The following VWC2L variants were observed in gnomAD, a reference collection of about 807,000 sequenced individuals.
VWC2L encodes the protein von Willebrand factor C domain containing 2 like, also known as von Willebrand factor C domain-containing protein 2-like.
In VWC2L, 10 loss-of-function variants were observed where a neutral mutation model predicts 21.6. The ratio of observed to expected loss-of-function variants is 0.46; its 90% CI spans 0.29 to 0.78. The LOEUF is 0.78. VWC2L is among the 30% of genes least tolerant of loss of function. VWC2L has a pLI of 0.10. For synonymous variants in VWC2L, 96 were observed against 94.3 expected (o/e 1.02, Z -0.10); for missense variants, 209 against 277.1 (o/e 0.75, Z 1.74).
intron 3 of VWC2L, among the ~76,000 whole-genome samples, chr2:214,473,032 T>A (rs1380899754): frequency 6.6e-6 from 1 of 152,226 alleles, no homozygotes. Flanking sequence ...CAGAAATGTC[T>A]GTTTAGAATT....
At chr2:214,424,134 A>G (rs1460539056) in intron 2 of VWC2L, among the ~76,000 whole-genome samples, 1 of 152,094 alleles carries the variant, frequency 6.6e-6, no homozygotes, top group African/African-American at 2.4e-5. Context: ...ATTTAAATCT[A>G]TGTTATTCTA....
At chr2:214,502,368 A>G (rs571048211) in intron 3 of VWC2L, among the ~76,000 whole-genome samples, 3 of 152,226 alleles carry the variant, frequency 2.0e-5, no homozygotes, top group African/African-American at 7.2e-5. Context: ...TCAGGAGTTC[A>G]AGACCAGCCT....
At chr2:214,464,983 T>TAGTC (rs998954930) in intron 3 of VWC2L, among the ~76,000 whole-genome samples, 2 of 152,162 alleles carry the variant, frequency 1.3e-5, no homozygotes, top group African/African-American at 4.8e-5. Flanking sequence ...AAGGGCTTTT[T>TAGTC]AGTCAGCGTG....
chr2:214,470,955 G>A (rs554807744), intron 3 of VWC2L, among the ~76,000 whole-genome samples: 147 of 141,862 alleles, frequency 1.0e-3, no homozygotes, highest in African/African-American at 3.2e-3. Context: ...ATAGGTGATC[G>A]CGTAATGGGC....
chr2:214,420,640 T>TA (rs1702424890), intron 2 of VWC2L, among the ~76,000 whole-genome samples: 1 of 152,146 alleles, frequency 6.6e-6, no homozygotes, highest in Non-Finnish European at 1.5e-5. Context: ...GAGGTGCAGT[T>TA]TTTAAAGAGT....
intron 2 of VWC2L, among the ~76,000 whole-genome samples, chr2:214,429,470 C>G (rs1335606121): frequency 3.3e-5 from 5 of 152,092 alleles, no homozygotes; most frequent in African/African-American, 1.2e-4. Flanking sequence ...CTTTGATTAT[C>G]ATAAAGGCAG....
At chr2:214,460,592 G>A (rs73072774) in intron 3 of VWC2L, among the ~76,000 whole-genome samples, 1,975 of 151,990 alleles carry the variant, frequency 0.013, 44 homozygotes, top group African/African-American at 0.044. Flanking sequence ...TTCACTCACT[G>A]GATTCTTTTA....
chr2:214,554,399 C>A (rs1297107914), intron 3 of VWC2L, among the ~76,000 whole-genome samples: 1 of 152,074 alleles, frequency 6.6e-6, no homozygotes, highest in African/African-American at 2.4e-5. Flanking sequence ...GCCAGACATG[C>A]CTTGCCTGTA....
intron 3 of VWC2L, among the ~76,000 whole-genome samples, chr2:214,530,484 A>T (rs1384544006): frequency 2.0e-5 from 3 of 152,138 alleles, no homozygotes; most frequent in African/African-American, 7.2e-5. Context: ...ATGGCAGCTG[A>T]TCCTTTATTA....
At chr2:214,440,146 A>C (rs1431594922) in intron 3 of VWC2L, among the ~76,000 whole-genome samples, 1 of 151,974 alleles carries the variant, frequency 6.6e-6, no homozygotes, top group Non-Finnish European at 1.5e-5. Flanking sequence ...GTTCAGTACC[A>C]AGAACAGTCT....
chr2:214,457,115 A>T (rs1004051463), intron 3 of VWC2L, among the ~76,000 whole-genome samples: 1 of 152,038 alleles, frequency 6.6e-6, no homozygotes, highest in Non-Finnish European at 1.5e-5. Context: ...TGTTATTTGT[A>T]TTTTGAAAGA....
chr2:214,449,317 A>T (rs1180442956), intron 3 of VWC2L, among the ~76,000 whole-genome samples: 1 of 152,068 alleles, frequency 6.6e-6, no homozygotes, highest in Non-Finnish European at 1.5e-5. Context: ...GGTTGATTGG[A>T]CTTTTTAAGA....
intron 3 of VWC2L, among the ~76,000 whole-genome samples, chr2:214,524,519 C>A (rs1689296416): frequency 6.6e-6 from 1 of 152,140 alleles, no homozygotes; most frequent in African/African-American, 2.4e-5. Flanking sequence ...ATGGGCAATA[C>A]AAATTGTAAT....
chr2:214,477,786 T>C (rs1361750835), intron 3 of VWC2L, among the ~76,000 whole-genome samples: 4 of 152,260 alleles, frequency 2.6e-5, no homozygotes, highest in African/African-American at 9.6e-5. Context: ...TTTCTTTGAG[T>C]TTCACTCATT....
chr2:214,474,460 T>C (rs537832334), intron 3 of VWC2L, among the ~76,000 whole-genome samples: 1 of 152,282 alleles, frequency 6.6e-6, no homozygotes, highest in African/African-American at 2.4e-5. Context: ...GTGCAAGTAT[T>C]TTGTCCAATA....
intron 3 of VWC2L, among the ~76,000 whole-genome samples, chr2:214,517,848 C>T (rs750119227): frequency 5.3e-5 from 8 of 152,224 alleles, no homozygotes; most frequent in Non-Finnish European, 4.4e-5. Context: ...CATGAGAAAG[C>T]AAATAAAGAT....
At chr2:214,525,904 T>C (rs1559318970) in intron 3 of VWC2L, among the ~76,000 whole-genome samples, 1 of 152,128 alleles carries the variant, frequency 6.6e-6, no homozygotes, top group South Asian at 2.1e-4. Flanking sequence ...ATATTAAATA[T>C]GGATAAAAAG....
intron 2 of VWC2L, among the ~76,000 whole-genome samples, chr2:214,416,353 C>G (rs1702354953): frequency 6.6e-6 from 1 of 151,952 alleles, no homozygotes; most frequent in Non-Finnish European, 1.5e-5. Flanking sequence ...CTCGTTATAA[C>G]CCTACTATAA....
At chr2:214,457,635 A>G (rs564596168) in intron 3 of VWC2L, among the ~76,000 whole-genome samples, 37 of 152,198 alleles carry the variant, frequency 2.4e-4, no homozygotes, top group African/African-American at 8.9e-4. Flanking sequence ...TTTGCTATAT[A>G]TGGGCTTTAT....
Sources: allele counts gnomAD v4.1 joint callset (sites outside exome capture counted in the v4.1 genomes callset), GRCh38; gene constraint gnomAD v4.1.1; transcripts MANE v1.5; gene names NCBI Gene and HGNC (gene_info 2026-07-23, HGNC 2026-07-21).